RASEF: variants seen among roughly 807,000 people sequenced by gnomAD.
The protein encoded by RASEF is RAS and EF-hand domain containing.
In RASEF, 68 loss-of-function variants were observed where a neutral mutation model predicts 90.1. The observed-to-expected ratio is 0.75, with a 90% CI of 0.62 to 0.92. RASEF has a LOEUF of 0.92. Ranked by LOEUF, RASEF falls within the 40% of genes least tolerant of loss-of-function variation. The probability of loss-of-function intolerance (pLI) is 0.00; values close to 1 mark genes in which losing one functional copy is unlikely to be tolerated. For synonymous variants in RASEF, 331 were observed against 345.2 expected, an observed-to-expected ratio of 0.96 and a Z score of 0.46; for missense variants, 949 against 937.2, an observed-to-expected ratio of 1.01 and a Z score of -0.16.
At chr9:83,181,705 T>C in the RASEF span, among the ~76,000 whole-genome samples, 1 of 152,220 alleles carries the variant, frequency 6.6e-6, no homozygotes, top group Non-Finnish European at 1.5e-5. Flanking sequence ...TTTATCTTTC[T>C]ATCTCACTCT....
At chr9:82,988,927 T>G (rs1443043764) in intron 16 of RASEF, among the ~76,000 whole-genome samples, 1 of 152,182 alleles carries the variant, frequency 6.6e-6, no homozygotes, top group Non-Finnish European at 1.5e-5. Flanking sequence ...GTTAGCACTG[T>G]TTTTGCTTTA....
chr9:83,019,129 TA>T (rs2118545037), intron 3 of RASEF, among the ~76,000 whole-genome samples: 1 of 152,074 alleles, frequency 6.6e-6, no homozygotes, highest in African/African-American at 2.4e-5. Context: ...GTATGGTCCA[TA>T]AAAAATTAAA....
chr9:83,083,435 A>C, the RASEF span, among the ~76,000 whole-genome samples: 919 of 152,330 alleles, frequency 6.0e-3, 5 homozygotes, highest in Middle Eastern at 0.051. Flanking sequence ...ACGAGAATCA[A>C]GTGAAAAACT....
At chr9:83,114,068 G>A in the RASEF span, among the ~76,000 whole-genome samples, 9 of 152,148 alleles carry the variant, frequency 5.9e-5, no homozygotes, top group East Asian at 1.4e-3. Context: ...TTCTTAGACC[G>A]GCCAACACTT....
At chr9:83,204,725 T>A in the RASEF span, among the ~76,000 whole-genome samples, 1 of 152,336 alleles carries the variant, frequency 6.6e-6, no homozygotes, top group East Asian at 1.9e-4. Context: ...AAGTACATAA[T>A]AAACATTCGC....
At chr9:83,089,483 T>C in the RASEF span, among the ~76,000 whole-genome samples, 2 of 152,130 alleles carry the variant, frequency 1.3e-5, no homozygotes, top group South Asian at 2.1e-4. Context: ...AGTAAAAAAC[T>C]CTCTTGGCTA....
At chr9:83,035,772 A>C (rs1022641247) in intron 1 of RASEF, among the ~76,000 whole-genome samples, 5 of 152,204 alleles carry the variant, frequency 3.3e-5, no homozygotes, top group African/African-American at 1.2e-4. Flanking sequence ...GAAGCAAAAA[A>C]GGAATACAAT....
chr9:83,054,857 G>C (rs1427899822), intron 1 of RASEF: 2 of 151,748 alleles, frequency 1.3e-5, no homozygotes, highest in Non-Finnish European at 2.9e-5. Flanking sequence ...TAGGCTGCTT[G>C]GGGGTCAGGG....
chr9:83,045,663 C>T (rs942639632), intron 1 of RASEF, among the ~76,000 whole-genome samples: 2 of 152,222 alleles, frequency 1.3e-5, no homozygotes, highest in Non-Finnish European at 2.9e-5. Flanking sequence ...CTTGCTGGAG[C>T]TTCCCATGAG....
intron 2 of RASEF, among the ~76,000 whole-genome samples, chr9:83,023,314 T>A (rs1464723886): frequency 6.6e-6 from 1 of 152,218 alleles, no homozygotes. Flanking sequence ...CACATCTCTA[T>A]GGAGACAGAG....
chr9:82,987,308 A>G (rs2118368581), intron 16 of RASEF, among the ~76,000 whole-genome samples: 1 of 152,344 alleles, frequency 6.6e-6, no homozygotes, highest in Non-Finnish European at 1.5e-5. Flanking sequence ...CTAGAAGCCC[A>G]AAGCCAGGCC....
the RASEF span, among the ~76,000 whole-genome samples, chr9:83,213,011 C>T: frequency 6.6e-6 from 1 of 151,786 alleles, no homozygotes; most frequent in South Asian, 2.1e-4. Flanking sequence ...AAACTACCTG[C>T]ACAGTGATAA....
the RASEF span, among the ~76,000 whole-genome samples, chr9:83,143,950 A>G: frequency 6.6e-6 from 1 of 152,142 alleles, no homozygotes; most frequent in African/African-American, 2.4e-5. Flanking sequence ...GTACATACAC[A>G]CCATGGAATA....
At chr9:83,069,694 T>C in the RASEF span, among the ~76,000 whole-genome samples, 2 of 152,200 alleles carry the variant, frequency 1.3e-5, no homozygotes, top group Non-Finnish European at 2.9e-5. Flanking sequence ...AGCAATAAGA[T>C]TGCTGGGTCA....
chr9:83,101,327 T>A, the RASEF span, among the ~76,000 whole-genome samples: 4 of 152,118 alleles, frequency 2.6e-5, no homozygotes, highest in Non-Finnish European at 5.9e-5. Flanking sequence ...CTCCTGATAT[T>A]CGGGGTCTGC....
chr9:83,179,081 T>G, the RASEF span, among the ~76,000 whole-genome samples: 3 of 152,196 alleles, frequency 2.0e-5, no homozygotes, highest in African/African-American at 7.2e-5. Flanking sequence ...ACCATGATCA[T>G]GTTTATTTTC....
At chr9:82,996,867 C>A in intron 14 of RASEF, 145 bp downstream of exon 14, 1 of 595,020 alleles carries the variant, frequency 1.7e-6, no homozygotes. Context: ...GCTGCCAGTT[C>A]TGCCTGTAGC....
At chr9:83,159,788 C>A in the RASEF span, among the ~76,000 whole-genome samples, 1 of 152,122 alleles carries the variant, frequency 6.6e-6, no homozygotes, top group East Asian at 1.9e-4. Flanking sequence ...TGTGTCCTCA[C>A]CCAAATCTCA....
Position 83,058,172 on chromosome 9 carries a change from C to CTTTTTTT in RASEF, c.431+4258_431+4264dup, listed in dbSNP as rs555842009. Among the ~76,000 whole-genome samples the CTTTTTTT allele has an allele frequency of 2.4e-4, 14 of 57,898 alleles. 1 individual carries two copies. Among genetic ancestry groups the CTTTTTTT allele is most frequent in the African/African-American group, 4.1e-4 (6 of 14,530 alleles). 38.0% of individuals were successfully genotyped at this position (57,898 alleles called of 152,430 possible). On this transcript the variant is annotated intron_variant, in intron 1 of 16. Coordinates refer to ENST00000376447, the MANE Select transcript of RASEF (RefSeq NM_152573.4). ...CGGCTCACTCCTGATGTATTTATGT[C>CTTTTTTT]TTTTTTTTTTTTTTTTTTTTTTTTT...
Sources: gnomAD v4.1 joint callset for allele counts (sites outside exome capture counted in the v4.1 genomes callset) on GRCh38, gnomAD v4.1.1 for gene constraint, MANE v1.5 for transcripts, NCBI Gene and HGNC (gene_info 2026-07-23, HGNC 2026-07-21) for gene names.